The following CMIP variants were observed in gnomAD, a reference collection of about 807,000 sequenced individuals.
CMIP encodes c-Maf inducing protein.
In CMIP, 13 loss-of-function variants were observed where a neutral mutation model predicts 97.3. That is an observed-to-expected ratio of 0.13 (90% CI 0.09 to 0.21). The LOEUF (loss-of-function observed/expected upper bound fraction) is 0.21. Ranked by LOEUF, CMIP falls within the 10% of genes least tolerant of loss-of-function variation. The pLI, the probability that CMIP is intolerant of heterozygous loss-of-function variation, is 1.00. For missense variants in CMIP, 847 were observed against 1,024.9 expected (o/e 0.83, Z 2.37); for synonymous variants, 538 against 436.3 (o/e 1.23, Z -2.91).
chr16:81,463,018 A>G (rs1906984672), intron 1 of CMIP, among the ~76,000 whole-genome samples: 1 of 152,152 alleles, frequency 6.6e-6, no homozygotes, highest in Non-Finnish European at 1.5e-5. Flanking sequence ...GAATTTGGGA[A>G]GTATGGATCC....
intron 1 of CMIP, among the ~76,000 whole-genome samples, chr16:81,485,677 TTATAATA>T (rs1247132939): frequency 1.3e-5 from 2 of 152,242 alleles, no homozygotes; most frequent in African/African-American, 4.8e-5. Flanking sequence ...AACTGAGCAC[TTATAATA>T]TGCCAGATCC....
chr16:81,651,512 A>T (rs1316124713), intron 3 of CMIP: 1 of 321,312 alleles, frequency 3.1e-6, no homozygotes, highest in African/African-American at 2.2e-5. Flanking sequence ...TTTAGTCCCT[A>T]CCTGGCCGGA....
chr16:81,599,572 C>T (rs2150930768), intron 1 of CMIP, among the ~76,000 whole-genome samples: 1 of 152,248 alleles, frequency 6.6e-6, no homozygotes, highest in South Asian at 2.1e-4. Flanking sequence ...GGTCCCAGCT[C>T]CTTTCTCATA....
intron 1 of CMIP, among the ~76,000 whole-genome samples, chr16:81,473,648 A>T (rs1476358487): frequency 6.6e-6 from 1 of 151,958 alleles, no homozygotes; most frequent in Non-Finnish European, 1.5e-5. Context: ...TTGTGTTGGA[A>T]TGGGGTGATC....
chr16:81,480,618 G>C (rs116790912), intron 1 of CMIP, among the ~76,000 whole-genome samples: 1,638 of 152,300 alleles, frequency 0.011, 29 homozygotes, highest in African/African-American at 0.037. Flanking sequence ...TTGTTTTGCA[G>C]GTGATTTTGG....
At chr16:81,464,592 A>G (rs1907091036) in intron 1 of CMIP, 1 of 152,246 alleles carries the variant, frequency 6.6e-6, no homozygotes, top group Non-Finnish European at 1.5e-5. Context: ...AATATGCATA[A>G]CACAATACTT....
intron 1 of CMIP, among the ~76,000 whole-genome samples, chr16:81,602,173 A>G (rs1382259288): frequency 6.6e-6 from 1 of 152,172 alleles, no homozygotes; most frequent in Non-Finnish European, 1.5e-5. Flanking sequence ...ATGGTGGCGG[A>G]ATATTTTATA....
At chr16:81,650,869 C>T (rs1036815255) in intron 3 of CMIP, among the ~76,000 whole-genome samples, 5 of 152,174 alleles carry the variant, frequency 3.3e-5, no homozygotes, top group South Asian at 2.1e-4. Flanking sequence ...CAGATCTTTC[C>T]GACTCAGGTC....
At chr16:81,656,883 A>C (rs112603034) in intron 4 of CMIP, among the ~76,000 whole-genome samples, 1 of 152,092 alleles carries the variant, frequency 6.6e-6, no homozygotes, top group African/African-American at 2.4e-5. Flanking sequence ...CAGCCTCCCA[A>C]AGTGCTGGGA....
chr16:81,487,239 A>G (rs2089330048), intron 1 of CMIP, among the ~76,000 whole-genome samples: 1 of 151,040 alleles, frequency 6.6e-6, no homozygotes, highest in African/African-American at 2.4e-5. Context: ...TCACTGCTCT[A>G]CCTGGGAGCC....
rs35008790 is a variant in CMIP at position 81,524,797 on chromosome 16, C to CTT, written c.300+79269_300+79270dup. ...GGGAGCATTTTTATTTCTTTTCTTTCTTTTTTTTTTTTTTGAGATGGAGTC... is the reference window on the plus strand; with the variant it reads ...GGGAGCATTTTTATTTCTTTTCTTTCTTTTTTTTTTTTTTTTGAGATGGAGTC... On this transcript the variant is annotated intron_variant, in intron 1 of 20. Coordinates refer to ENST00000537098, the MANE Select transcript of CMIP (RefSeq NM_198390.3). Among the ~76,000 whole-genome samples the CTT allele has an allele frequency of 1.1e-3, 162 of 144,718 alleles. 2 individuals are homozygous for CTT. Among genetic ancestry groups the CTT allele is most frequent in the Middle Eastern group, 0.011 (3 of 280 alleles). The allele number at this position is 144,718 out of a possible 152,430, so 94.9% of individuals were successfully genotyped here. A position where few individuals can be genotyped will look rare whatever the true frequency, so the allele number is the denominator to read the frequency against.
intron 1 of CMIP, among the ~76,000 whole-genome samples, chr16:81,533,571 C>T (rs1051799422): frequency 3.3e-5 from 5 of 152,156 alleles, no homozygotes; most frequent in East Asian, 1.9e-4. Flanking sequence ...CTCCGTCTCC[C>T]GGGTTCAAGC....
intron 7 of CMIP, among the ~76,000 whole-genome samples, chr16:81,669,024 C>T (rs1423727715): frequency 6.8e-6 from 1 of 146,946 alleles, no homozygotes; most frequent in African/African-American, 2.5e-5. Context: ...TCACACTCCT[C>T]CTTCCACACC....
intron 9 of CMIP, among the ~76,000 whole-genome samples, chr16:81,675,133 C>T (rs1904288128): frequency 6.6e-6 from 1 of 152,150 alleles, no homozygotes; most frequent in South Asian, 2.1e-4. Flanking sequence ...GAGGGTGACC[C>T]AGGGAGAGAA....
At chr16:81,635,730 C>T (rs1410801194) in intron 3 of CMIP, among the ~76,000 whole-genome samples, 2 of 152,114 alleles carry the variant, frequency 1.3e-5, no homozygotes, top group Non-Finnish European at 2.9e-5. Flanking sequence ...GGCCCAGCAC[C>T]TGTTTTTATA....
intron 1 of CMIP, among the ~76,000 whole-genome samples, chr16:81,578,938 A>G (rs1241980180): frequency 1.3e-5 from 2 of 152,244 alleles, no homozygotes; most frequent in Non-Finnish European, 2.9e-5. Context: ...TGTGCTGGCC[A>G]GTGGGAGACA....
intron 1 of CMIP, among the ~76,000 whole-genome samples, chr16:81,558,177 T>C (rs2090805017): frequency 6.6e-6 from 1 of 152,230 alleles, no homozygotes; most frequent in Admixed American, 6.5e-5. Flanking sequence ...ACCATGCTTC[T>C]CCATCCGTCC....
At chr16:81,586,954 G>A (rs540019467) in intron 1 of CMIP, among the ~76,000 whole-genome samples, 62 of 152,314 alleles carry the variant, frequency 4.1e-4, no homozygotes, top group African/African-American at 1.3e-3. Flanking sequence ...GGGGTGTTCC[G>A]GAATTCTAGG....
At chr16:81,620,647 C>T in intron 2 of CMIP, 2 of 513,044 alleles carry the variant, frequency 3.9e-6, no homozygotes, top group Non-Finnish European at 3.5e-6. Context: ...AAAGGAAGCA[C>T]ACGGTGCTAG....
Sources: allele counts gnomAD v4.1 joint callset (sites outside exome capture counted in the v4.1 genomes callset), GRCh38; gene constraint gnomAD v4.1.1; transcripts MANE v1.5; gene names NCBI Gene and HGNC (gene_info 2026-07-23, HGNC 2026-07-21).